TXLNB: variants seen among roughly 807,000 people sequenced by gnomAD.
TXLNB encodes the protein taxilin beta.
A neutral mutation model predicts 57.4 loss-of-function variants in TXLNB; 37 were observed. The ratio of observed to expected loss-of-function variants is 0.64; its 90% CI spans 0.50 to 0.85. The LOEUF (loss-of-function observed/expected upper bound fraction) is 0.85. Ranked by LOEUF, TXLNB falls within the 40% of genes least tolerant of loss-of-function variation. TXLNB has a pLI of 0.00. For missense variants in TXLNB, 848 were observed against 825.6 expected, an observed-to-expected ratio of 1.03 and a Z score of -0.33; for synonymous variants, 302 against 309.6, an observed-to-expected ratio of 0.98 and a Z score of 0.26.
the TXLNB span, chr6:139,179,659 G>A: frequency 6.6e-6 from 1 of 152,034 alleles, no homozygotes; most frequent in Non-Finnish European, 1.5e-5. Flanking sequence ...AAATATAATC[G>A]AATATTCAAC....
the TXLNB span, among the ~76,000 whole-genome samples, chr6:139,318,361 A>C: frequency 1.3e-5 from 2 of 151,862 alleles, no homozygotes; most frequent in Middle Eastern, 3.4e-3. Flanking sequence ...AGAGAAGAAG[A>C]GATATATGAA....
chr6:139,228,450 C>G, the TXLNB span, among the ~76,000 whole-genome samples: 3 of 147,426 alleles, frequency 2.0e-5, no homozygotes, highest in African/African-American at 7.7e-5. Flanking sequence ...CACTTGAACC[C>G]AGGAGGCAGA....
At chr6:139,317,652 A>G in the TXLNB span, among the ~76,000 whole-genome samples, 42 of 152,186 alleles carry the variant, frequency 2.8e-4, no homozygotes, top group African/African-American at 9.6e-4. Flanking sequence ...CGGCCTCCCA[A>G]AGTGCTGGGA....
the TXLNB span, chr6:139,174,350 A>T: frequency 1.9e-6 from 3 of 1,571,456 alleles, no homozygotes; most frequent in African/African-American, 1.4e-5. Flanking sequence ...GATTTCCATG[A>T]TGGCCACTCA....
the TXLNB span, among the ~76,000 whole-genome samples, chr6:139,224,268 G>GTCC: frequency 6.9e-6 from 1 of 144,628 alleles, no homozygotes; most frequent in Non-Finnish European, 1.5e-5. Context: ...GACACAGGAA[G>GTCC]GGGAACATCA....
At chr6:139,166,877 C>T in the TXLNB span, 8 of 1,613,964 alleles carry the variant, frequency 5.0e-6, no homozygotes, top group South Asian at 3.3e-5. Context: ...CAGCGGCCCC[C>T]GCTCCTCCAG....
At chr6:139,189,208 G>A in the TXLNB span, among the ~76,000 whole-genome samples, 4 of 152,214 alleles carry the variant, frequency 2.6e-5, no homozygotes, top group South Asian at 6.2e-4. Flanking sequence ...TGCAAAGGAG[G>A]TGACAGGCGT....
the TXLNB span, among the ~76,000 whole-genome samples, chr6:139,200,349 A>G: frequency 6.6e-6 from 1 of 152,112 alleles, no homozygotes; most frequent in African/African-American, 2.4e-5. Context: ...TTTAAGAGGG[A>G]CATTTGCTAC....
chr6:139,210,156 G>T, the TXLNB span, among the ~76,000 whole-genome samples: 5 of 152,116 alleles, frequency 3.3e-5, no homozygotes, highest in East Asian at 1.9e-4. Context: ...AAACCACAAT[G>T]AGCTACCACC....
chr6:139,210,222 G>C, the TXLNB span, among the ~76,000 whole-genome samples: 7 of 152,066 alleles, frequency 4.6e-5, no homozygotes, highest in Non-Finnish European at 7.4e-5. Context: ...AGATGTTGGA[G>C]GGGGGTGTGG....
chr6:139,250,177 C>CTTTTT (rs529236500), intron 7 of TXLNB, among the ~76,000 whole-genome samples: 1 of 124,422 alleles, frequency 8.0e-6, no homozygotes, highest in Non-Finnish European at 1.7e-5. Flanking sequence ...CCATGTCTGG[C>CTTTTT]TTTTTTTTTT....
At chr6:139,189,868 C>A in the TXLNB span, among the ~76,000 whole-genome samples, 2 of 152,134 alleles carry the variant, frequency 1.3e-5, no homozygotes, top group Non-Finnish European at 2.9e-5. Context: ...TGATGGGATT[C>A]CATGTAAATG....
chr6:139,182,369 C>A, the TXLNB span, among the ~76,000 whole-genome samples: 8 of 152,126 alleles, frequency 5.3e-5, no homozygotes, highest in African/African-American at 1.2e-4. Context: ...AAGGAAGGTA[C>A]AGTTCATACT....
At chr6:139,280,251 T>TAAAA (rs11313271) in intron 2 of TXLNB, among the ~76,000 whole-genome samples, 8 of 78,224 alleles carry the variant, frequency 1.0e-4, no homozygotes, top group South Asian at 4.6e-4. Context: ...ACTCTCTCTC[T>TAAAA]AAAAAAAAAA....
At chr6:139,255,338 TTGAC>T in intron 7 of TXLNB, 1 of 569,684 alleles carries the variant, frequency 1.8e-6, no homozygotes, top group Non-Finnish European at 3.4e-6. Flanking sequence ...CAACAAACCT[TTGAC>T]TGGATGTTGC....
At chr6:139,300,598 G>A in the TXLNB span, among the ~76,000 whole-genome samples, 1 of 152,042 alleles carries the variant, frequency 6.6e-6, no homozygotes, top group Non-Finnish European at 1.5e-5. Context: ...TGACTCCTTT[G>A]TCCTTAGAAG....
chr6:139,319,731 C>G, the TXLNB span, among the ~76,000 whole-genome samples: 2 of 152,208 alleles, frequency 1.3e-5, no homozygotes, highest in Admixed American at 6.5e-5. Context: ...GCCATCTGCA[C>G]TCCAGCCTGG....
the TXLNB span, among the ~76,000 whole-genome samples, chr6:139,221,604 C>T: frequency 9.7e-4 from 148 of 151,838 alleles, no homozygotes; most frequent in African/African-American, 3.4e-3. Flanking sequence ...AATGATCGGA[C>T]GTGGAGTTTA....
Position 139,242,724 on chromosome 6 carries a change from G to C in TXLNB, c.1857C>G (p.Thr619=). ...EASGQAPQAP[T]EASLQKMEAD... is the part of the protein sequence containing the mutation. Reference sequence around the variant, plus strand: ...CCTCCATCTTCTGTAGGGAGGCCTCGGTGGGAGCCTGTGGGGCCTGACCGG... The same window carrying C: ...CCTCCATCTTCTGTAGGGAGGCCTCCGTGGGAGCCTGTGGGGCCTGACCGG... The change falls in exon 10 of 10, where the codon ACC becomes ACG. Residue 619 remains threonine, a synonymous_variant. Coordinates refer to ENST00000358430, the MANE Select transcript of TXLNB (RefSeq NM_153235.4). 1 of 1,613,088 alleles carries C rather than the reference G, an allele frequency of 6.2e-7. No individual in the cohort carries two copies. Among genetic ancestry groups the C allele is most frequent in the Non-Finnish European group, 8.5e-7 (1 of 1,179,682 alleles).
Sources: allele counts gnomAD v4.1 joint callset (sites outside exome capture counted in the v4.1 genomes callset), GRCh38; gene constraint gnomAD v4.1.1; transcripts MANE v1.5; gene names NCBI Gene and HGNC (gene_info 2026-07-23, HGNC 2026-07-21).